Variants in RARB observed in about 807,000 individuals in gnomAD.
RARB encodes the protein retinoic acid receptor beta, also known as HBV-activated protein.
Under a neutral mutation model 51.9 loss-of-function variants are expected in RARB, and 17 were observed. That is an observed-to-expected ratio of 0.33 (90% CI 0.22 to 0.49). RARB has a LOEUF of 0.49. Ranked by LOEUF, RARB falls within the 20% of genes least tolerant of loss-of-function variation. The probability of loss-of-function intolerance (pLI) is 0.99; values close to 1 mark genes in which losing one functional copy is unlikely to be tolerated. For missense variants in RARB, 369 were observed against 550.8 expected (o/e 0.67, Z 3.30); for synonymous variants, 215 against 195.4 (o/e 1.10, Z -0.84).
rs546641167 is a variant in RARB, at chr3:25,364,947, C to G, written c.179-96246C>G. ...AACTTCCCTTACACTTCTGACATAT[C>G]TCAGTTGTATCATTATCCTAGAATC... is the stretch of plus-strand genomic sequence containing the variant. On this transcript the variant is annotated intron_variant, in intron 5 of 11. Transcript: ENST00000383772. Among the ~76,000 whole-genome samples the G allele has an allele frequency of 1.8e-4, 28 of 152,154 alleles. No homozygotes were observed. The South Asian group carries it at 5.4e-3, about 29-fold the overall frequency.
intron 2 of RARB, among the ~76,000 whole-genome samples, chr3:24,897,493 G>C (rs1326675110): frequency 6.6e-6 from 1 of 152,116 alleles, no homozygotes; most frequent in African/African-American, 2.4e-5. Flanking sequence ...AAGTGACCAA[G>C]TTACTTCTTC....
At chr3:25,203,688 T>G (rs1337983446) in intron 5 of RARB, among the ~76,000 whole-genome samples, 5 of 152,218 alleles carry the variant, frequency 3.3e-5, no homozygotes, top group Non-Finnish European at 7.3e-5. Context: ...CCTTCACTTA[T>G]GAAGCTTAGT....
chr3:25,519,705 C>A (rs1698323082), intron 3 of RARB, among the ~76,000 whole-genome samples: 1 of 151,928 alleles, frequency 6.6e-6, no homozygotes, highest in African/African-American at 2.4e-5. Context: ...CATTTTAGTG[C>A]ACATTTGTTT....
At chr3:25,130,404 C>G (rs577542364) in intron 3 of RARB, among the ~76,000 whole-genome samples, 1 of 152,124 alleles carries the variant, frequency 6.6e-6, no homozygotes, top group African/African-American at 2.4e-5. Context: ...CTAACTCTGA[C>G]AAATAGAGGC....
chr3:25,076,293 A>G (rs926764992), intron 3 of RARB, among the ~76,000 whole-genome samples: 1 of 152,038 alleles, frequency 6.6e-6, no homozygotes, highest in Non-Finnish European at 1.5e-5. Context: ...GGTACCCACC[A>G]CCATTCCGGC....
At chr3:25,592,789 G>A (rs1447330756) in intron 5 of RARB, among the ~76,000 whole-genome samples, 1 of 152,142 alleles carries the variant, frequency 6.6e-6, no homozygotes, top group Non-Finnish European at 1.5e-5. Context: ...ACCTCTTTAT[G>A]GATCTGCCCT....
intron 3 of RARB, among the ~76,000 whole-genome samples, chr3:25,095,852 G>C (rs558004278): frequency 6.6e-6 from 1 of 152,212 alleles, no homozygotes; most frequent in South Asian, 2.1e-4. Flanking sequence ...TGAAGTTAAT[G>C]GTGATGTCTT....
chr3:25,234,463 C>T (rs1702256338), intron 5 of RARB, among the ~76,000 whole-genome samples: 1 of 152,094 alleles, frequency 6.6e-6, no homozygotes, highest in Non-Finnish European at 1.5e-5. Flanking sequence ...AAAAACACAG[C>T]TTTTGTGTTT....
intron 3 of RARB, among the ~76,000 whole-genome samples, chr3:25,117,354 G>C (rs552815595): frequency 1.3e-5 from 2 of 152,288 alleles, no homozygotes; most frequent in Admixed American, 1.3e-4. Flanking sequence ...AGTTCACCAG[G>C]AGCATGGCAC....
In RARB at chr3:25,084,183, T is replaced by G. The variant is rs191855503; in HGVS notation, c.-328+24007T>G. 5.5e-4 allele frequency among the ~76,000 whole-genome samples: 84 copies of G among 152,294 alleles called. No individual in the cohort carries two copies. In the East Asian group the frequency reaches 0.012, roughly 22 times the overall value. ...TCAGCAGTTCCGTGTTCCAGTTGAC[T>G]CCTCCTCTTCTCAGGGAATCTGCTG... On this transcript the variant is annotated intron_variant, in intron 3 of 11. Coordinates refer to the RARB transcript ENST00000383772.
chr3:24,840,023 G>A (rs1358585213), intron 1 of RARB, among the ~76,000 whole-genome samples: 1 of 151,974 alleles, frequency 6.6e-6, no homozygotes, highest in Non-Finnish European at 1.5e-5. Flanking sequence ...TTTGAGTTAG[G>A]GCTCTACCAC....
At chr3:25,572,759 G>A (rs1700756287) in intron 4 of RARB, among the ~76,000 whole-genome samples, 2 of 152,078 alleles carry the variant, frequency 1.3e-5, no homozygotes, top group Admixed American at 1.3e-4. Context: ...TGAGGTGAGC[G>A]ACTTTATATG....
In RARB at chr3:25,364,290, C is replaced by T. The variant is rs540417292; in HGVS notation, c.179-96903C>T. ...CAATGAATATTTGTGAATAAGTAAG[C>T]AAGTGGACTCATGAGGGAATTGGGG... On this transcript the variant is annotated intron_variant, in intron 5 of 11. Transcript: ENST00000383772. 6.6e-5 allele frequency among the ~76,000 whole-genome samples: 10 copies of T among 152,172 alleles called. No homozygotes were observed. In the South Asian group the frequency reaches 1.7e-3, roughly 25 times the overall value.
chr3:25,392,745 C>T (rs539155497), intron 5 of RARB, among the ~76,000 whole-genome samples: 1 of 151,980 alleles, frequency 6.6e-6, no homozygotes, highest in South Asian at 2.1e-4. Context: ...TTTTGTATCC[C>T]AAAACTTTAC....
At chr3:25,075,121 A>G (rs1007062294) in intron 3 of RARB, among the ~76,000 whole-genome samples, 2 of 152,358 alleles carry the variant, frequency 1.3e-5, no homozygotes, top group East Asian at 3.9e-4. Context: ...GAGAATATGT[A>G]ACACAGTCTA....
intron 2 of RARB, among the ~76,000 whole-genome samples, chr3:25,488,700 T>G (rs1696586260): frequency 6.6e-6 from 1 of 152,212 alleles, no homozygotes; most frequent in Non-Finnish European, 1.5e-5. Flanking sequence ...GTAATTTTGA[T>G]ACAGGAAATA....
At position 25,063,360 on chromosome 3, in the gene RARB, T is replaced by C. The variant is rs912458246; in HGVS notation, c.-328+3184T>C. Among the ~76,000 whole-genome samples, 6 of 152,206 alleles carry C rather than the reference T, an allele frequency of 3.9e-5. 1 individual carries two copies. Among genetic ancestry groups the C allele is most frequent in the Middle Eastern group, 6.8e-3 (2 of 294 alleles). ...CTTTGTAACTGAGAGATATCAGATTTGAGACTCAGAGCTTTCCTTAAGCCA... is the reference window on the plus strand; with the variant it reads ...CTTTGTAACTGAGAGATATCAGATTCGAGACTCAGAGCTTTCCTTAAGCCA... On this transcript the variant is annotated intron_variant, in intron 3 of 11. Transcript: ENST00000383772.
intron 5 of RARB, among the ~76,000 whole-genome samples, chr3:25,348,820 G>A (rs1705473847): frequency 6.6e-6 from 1 of 152,184 alleles, no homozygotes; most frequent in African/African-American, 2.4e-5. Context: ...TGGAGGGTTT[G>A]TAACTCCCAA....
intron 5 of RARB, among the ~76,000 whole-genome samples, chr3:25,263,121 T>A (rs1703046816): frequency 6.6e-6 from 1 of 152,210 alleles, no homozygotes; most frequent in Non-Finnish European, 1.5e-5. Flanking sequence ...ATGATTCCAT[T>A]TCTATGAACG....
Sources: gnomAD v4.1 joint callset for allele counts (sites outside exome capture counted in the v4.1 genomes callset) on GRCh38, gnomAD v4.1.1 for gene constraint, MANE v1.5 for transcripts, NCBI Gene and HGNC (gene_info 2026-07-23, HGNC 2026-07-21) for gene names.